Variants in ZNRF2 observed in about 807,000 individuals in gnomAD.
The protein encoded by ZNRF2 is zinc and ring finger 2.
In ZNRF2, 16 loss-of-function variants were observed where a neutral mutation model predicts 20.4. The observed-to-expected ratio is 0.79, with a 90% confidence interval of 0.53 to 1.19. The LOEUF is 1.19. Among genes scored for constraint, ZNRF2 ranks in the 50% most tolerant of loss-of-function variants. The pLI is 0.00. For synonymous variants in ZNRF2, 178 were observed against 144.9 expected (o/e 1.23, Z -1.64); for missense variants, 363 against 332.4 (o/e 1.09, Z -0.72).
At chr7:30,320,503 G>A (rs562346886) in intron 1 of ZNRF2, among the ~76,000 whole-genome samples, 1 of 152,112 alleles carries the variant, frequency 6.6e-6, no homozygotes, top group Admixed American at 6.6e-5. Context: ...TTATAATGGT[G>A]TGGAGGTGAT....
At chr7:30,296,159 G>T (rs771375533) in intron 1 of ZNRF2, among the ~76,000 whole-genome samples, 2 of 152,094 alleles carry the variant, frequency 1.3e-5, no homozygotes. Context: ...ATATAGAAAT[G>T]TATTGCTCTA....
At chr7:30,295,499 C>T (rs753138388) in intron 1 of ZNRF2, among the ~76,000 whole-genome samples, 3 of 152,198 alleles carry the variant, frequency 2.0e-5, no homozygotes, top group South Asian at 2.1e-4. Context: ...CGCTTGAGCT[C>T]GGGAGTTCGA....
chr7:30,350,463 G>C (rs1423128923), intron 2 of ZNRF2, among the ~76,000 whole-genome samples: 1 of 151,956 alleles, frequency 6.6e-6, no homozygotes, highest in Non-Finnish European at 1.5e-5. Flanking sequence ...TCTAGGCAGA[G>C]AAGCCCAGAT....
At chr7:30,292,351 A>G (rs909599669) in intron 1 of ZNRF2, among the ~76,000 whole-genome samples, 2 of 152,182 alleles carry the variant, frequency 1.3e-5, no homozygotes, top group Non-Finnish European at 2.9e-5. Flanking sequence ...TTTTTATAAC[A>G]TGATTTTTAA....
chr7:30,307,336 T>G (rs866838852), intron 1 of ZNRF2, among the ~76,000 whole-genome samples: 1,422 of 139,934 alleles, frequency 0.01, 21 homozygotes, highest in African/African-American at 0.032. Context: ...GTTTTTTTTT[T>G]TTTTTTTTTT....
At chr7:30,285,965 G>A (rs1461114820) in intron 1 of ZNRF2, 139 bp downstream of exon 1, 2 of 1,319,216 alleles carry the variant, frequency 1.5e-6, no homozygotes, top group Non-Finnish European at 1.9e-6. Flanking sequence ...GCCCGCGTCG[G>A]TCTCCATCCT....
intron 1 of ZNRF2, among the ~76,000 whole-genome samples, chr7:30,304,909 T>A (rs1363689001): frequency 6.6e-6 from 1 of 152,154 alleles, no homozygotes; most frequent in East Asian, 1.9e-4. Context: ...TTATTAGGAC[T>A]TCGGCAAGCC....
In ZNRF2 at chr7:30,356,687, A is replaced by G. The variant is rs564152848; in HGVS notation, c.671+854A>G. Among the ~76,000 whole-genome samples, 181 of 150,158 alleles carry G rather than the reference A, an allele frequency of 1.2e-3. 2 individuals are homozygous for G. The highest frequency in any genetic ancestry group is 3.4e-3 in the Middle Eastern group (1 of 290). On this transcript the variant is annotated intron_variant, in intron 3 of 4. Transcript: ENST00000323037. ...GAATTCCTATAGAATGACAAAAAGT[A>G]TATAACATTGTATTTTTTTTTTTTT...
At chr7:30,293,533 G>A (rs1211356665) in intron 1 of ZNRF2, among the ~76,000 whole-genome samples, 1 of 152,196 alleles carries the variant, frequency 6.6e-6, no homozygotes, top group Non-Finnish European at 1.5e-5. Context: ...ACAGGCCTGA[G>A]TGCCCGGCCA....
chr7:30,299,772 C>T (rs1799079231), intron 1 of ZNRF2, among the ~76,000 whole-genome samples: 1 of 148,738 alleles, frequency 6.7e-6, no homozygotes, highest in Admixed American at 6.7e-5. Flanking sequence ...TCTTCTAAAA[C>T]CTGCTTTTTT....
At chr7:30,356,776 GC>G (rs1800046544) in intron 3 of ZNRF2, among the ~76,000 whole-genome samples, 1 of 144,750 alleles carries the variant, frequency 6.9e-6, no homozygotes, top group Non-Finnish European at 1.5e-5. Flanking sequence ...CGTGATCTCG[GC>G]TCACTGCAAG....
At chr7:30,351,396 A>G (rs1159216842) in intron 2 of ZNRF2, among the ~76,000 whole-genome samples, 1 of 152,004 alleles carries the variant, frequency 6.6e-6, no homozygotes, top group Non-Finnish European at 1.5e-5. Flanking sequence ...TTTTTTCATC[A>G]CCGTCCATAG....
intron 4 of ZNRF2, among the ~76,000 whole-genome samples, chr7:30,365,342 A>T (rs553819326): frequency 6.6e-6 from 1 of 151,860 alleles, no homozygotes; most frequent in East Asian, 1.9e-4. Context: ...GTTACATATG[A>T]GTGTTATATT....
intron 2 of ZNRF2, among the ~76,000 whole-genome samples, chr7:30,350,500 CT>C (rs1340454477): frequency 8.6e-5 from 13 of 151,950 alleles, no homozygotes; most frequent in Non-Finnish European, 1.5e-4. Flanking sequence ...CATATTTTTA[CT>C]GATATATTTA....
At chr7:30,312,474 A>G (rs1179491684) in intron 1 of ZNRF2, among the ~76,000 whole-genome samples, 3 of 152,148 alleles carry the variant, frequency 2.0e-5, no homozygotes, top group Non-Finnish European at 2.9e-5. Flanking sequence ...TCTTTGTTCA[A>G]TTGAGTACTA....
At chr7:30,345,501 T>C (rs73687806) in intron 2 of ZNRF2, among the ~76,000 whole-genome samples, 1,748 of 152,256 alleles carry the variant, frequency 0.011, 32 homozygotes, top group African/African-American at 0.039. Context: ...TACACATTTG[T>C]ATTTTAACTA....
At chr7:30,340,548 T>A (rs1799778389) in intron 2 of ZNRF2, among the ~76,000 whole-genome samples, 1 of 152,132 alleles carries the variant, frequency 6.6e-6, no homozygotes, top group African/African-American at 2.4e-5. Context: ...ATTTATTGAT[T>A]TGTGTATGTT....
chr7:30,323,466 T>TA (rs1799506310), intron 1 of ZNRF2, among the ~76,000 whole-genome samples, 176 bp from the exon 2 acceptor site: 1 of 152,352 alleles, frequency 6.6e-6, no homozygotes, highest in South Asian at 2.1e-4. Context: ...CATAAACTGA[T>TA]ACAAAAGTCA....
intron 2 of ZNRF2, among the ~76,000 whole-genome samples, chr7:30,355,103 T>C (rs1800016592): frequency 1.3e-5 from 2 of 152,152 alleles, no homozygotes; most frequent in African/African-American, 4.8e-5. Context: ...GCCACTCTAA[T>C]TAATGCCTGG....
Sources: allele counts gnomAD v4.1 joint callset (sites outside exome capture counted in the v4.1 genomes callset), GRCh38; gene constraint gnomAD v4.1.1; transcripts MANE v1.5; gene names NCBI Gene and HGNC (gene_info 2026-07-23, HGNC 2026-07-21).